The following DPYD variants were observed in gnomAD, a reference collection of about 807,000 sequenced individuals.
DPYD encodes dihydropyrimidine dehydrogenase [NADP(+)].
In DPYD, 109 loss-of-function variants were observed where a neutral mutation model predicts 116.2. The observed-to-expected ratio is 0.94, with a 90% confidence interval of 0.80 to 1.10. DPYD has a LOEUF of 1.10. DPYD is among the 50% of genes least tolerant of loss of function. DPYD has a pLI of 0.00. For missense variants in DPYD, 1,302 were observed against 1,254.5 expected (o/e 1.04, Z -0.57); for synonymous variants, 440 against 432.0 (o/e 1.02, Z -0.23).
chr1:97,587,168 T>C lies in DPYD; in HGVS notation c.1128+6050A>G, dbSNP rs977830910. ...TTTCCAAAAGATAAATATATACAGA[T>C]CCTTGGAATGTGTCATCCCCCTGTC... On this transcript the variant is annotated intron_variant, in intron 10 of 22. Transcript: ENST00000370192. 7.2e-5 allele frequency among the ~76,000 whole-genome samples: 11 copies of C among 152,278 alleles called. No homozygotes were observed. The South Asian group carries it at 2.3e-3, about 32-fold the overall frequency.
chr1:97,702,364 C>A (rs984760406), intron 5 of DPYD, among the ~76,000 whole-genome samples: 2 of 151,602 alleles, frequency 1.3e-5, no homozygotes, highest in Admixed American at 6.6e-5. Context: ...GATCAGGGAA[C>A]AGAGATATAG....
At chr1:97,292,180 T>C (rs1175560034) in intron 18 of DPYD, among the ~76,000 whole-genome samples, 5 of 152,178 alleles carry the variant, frequency 3.3e-5, no homozygotes, top group Non-Finnish European at 5.9e-5. Context: ...CTCAGGTGAC[T>C]ATTATCATAC....
chr1:97,595,021 C>G (rs1407252817), intron 9 of DPYD, 38 bp downstream of exon 9: 2 of 1,422,924 alleles, frequency 1.4e-6, no homozygotes, highest in African/African-American at 2.8e-5. Context: ...AATAAAATAG[C>G]ATACTCACTA....
At chr1:97,424,615 C>A (rs1242117719) in intron 14 of DPYD, among the ~76,000 whole-genome samples, 1 of 152,072 alleles carries the variant, frequency 6.6e-6, no homozygotes, top group East Asian at 1.9e-4. Flanking sequence ...CTCTATAACA[C>A]TCATTATATA....
At chr1:97,258,261 G>T (rs1210588512) in intron 18 of DPYD, among the ~76,000 whole-genome samples, 1 of 152,120 alleles carries the variant, frequency 6.6e-6, no homozygotes, top group Non-Finnish European at 1.5e-5. Flanking sequence ...CAAGAAAACA[G>T]AGCCCCACTT....
intron 6 of DPYD, among the ~76,000 whole-genome samples, chr1:97,696,902 A>C (rs1661338971): frequency 6.6e-6 from 1 of 152,116 alleles, no homozygotes; most frequent in Non-Finnish European, 1.5e-5. Flanking sequence ...TCAATCAACA[A>C]GAAAAACAAT....
At chr1:97,447,547 A>G (rs1676157930) in intron 14 of DPYD, among the ~76,000 whole-genome samples, 1 of 152,212 alleles carries the variant, frequency 6.6e-6, no homozygotes, top group South Asian at 2.1e-4. Context: ...AAAAAGAATG[A>G]TGTGTATAAT....
Position 97,592,801 on chromosome 1 carries a change from G to GT in DPYD, c.1128+416_1128+417insA, listed in dbSNP as rs765188172. Among the ~76,000 whole-genome samples the GT allele has an allele frequency of 2.7e-4, 41 of 152,096 alleles. No homozygotes were observed. The East Asian group carries it at 6.2e-3, about 23-fold the overall frequency. On this transcript the variant is annotated intron_variant, in intron 10 of 22. Coordinates refer to ENST00000370192, the MANE Select transcript of DPYD (RefSeq NM_000110.4). ...ATGAACTGACTGAAAGTATGACCAAGGTATACATCTTAGAATGCAGTCTGT... is the reference window on the plus strand; with the variant it reads ...ATGAACTGACTGAAAGTATGACCAAGTGTATACATCTTAGAATGCAGTCTGT...
chr1:97,645,276 T>C (rs1009375141), intron 8 of DPYD, among the ~76,000 whole-genome samples: 1 of 152,142 alleles, frequency 6.6e-6, no homozygotes, highest in African/African-American at 2.4e-5. Context: ...TCTATTTCCT[T>C]GTACCCTCGT....
chr1:97,751,365 C>A (rs1664869221), intron 3 of DPYD, among the ~76,000 whole-genome samples: 1 of 142,058 alleles, frequency 7.0e-6, no homozygotes, highest in South Asian at 2.2e-4. Context: ...TATATATAAA[C>A]ACACACATAT....
intron 19 of DPYD, among the ~76,000 whole-genome samples, chr1:97,224,127 CAAAGACACTG>C (rs999828596): frequency 2.6e-5 from 4 of 151,938 alleles, no homozygotes; most frequent in African/African-American, 9.7e-5. Context: ...TCAGGGATTT[CAAAGACACTG>C]AAGTTCACTT....
intron 3 of DPYD, among the ~76,000 whole-genome samples, chr1:97,824,993 C>T (rs1001904439): frequency 4.6e-5 from 7 of 152,178 alleles, no homozygotes; most frequent in Non-Finnish European, 7.3e-5. Context: ...CACGAGTTAA[C>T]CTCAGCTATC....
rs545839028 is a variant in DPYD, at chr1:97,144,342, C to T, written c.2623-45710G>A. Among the ~76,000 whole-genome samples, 4 of 152,268 alleles carry T rather than the reference C, an allele frequency of 2.6e-5. No homozygotes were observed. In the East Asian group the frequency reaches 7.7e-4, roughly 29 times the overall value. ...TCAGATGTAACATGAAACAAATATA[C>T]TCAATTAATGGAAGGTAAAATTACA... On this transcript the variant is annotated intron_variant, in intron 20 of 22. Transcript: ENST00000370192.
chr1:97,547,511 T>TTTTC (rs1005120327), intron 12 of DPYD, among the ~76,000 whole-genome samples: 2 of 151,886 alleles, frequency 1.3e-5, no homozygotes, highest in Non-Finnish European at 1.5e-5. Context: ...ATTGTGTTCT[T>TTTTC]TTTCTTTCTT....
chr1:97,109,674 C>G (rs535755772), intron 20 of DPYD, among the ~76,000 whole-genome samples: 2 of 151,996 alleles, frequency 1.3e-5, no homozygotes, highest in South Asian at 4.2e-4. Flanking sequence ...TGTTTTAATC[C>G]CTTTTACAGC....
At chr1:97,373,367 C>T (rs548062174) in intron 16 of DPYD, among the ~76,000 whole-genome samples, 194 bp downstream of exon 16, 1 of 152,322 alleles carries the variant, frequency 6.6e-6, no homozygotes, top group South Asian at 2.1e-4. Flanking sequence ...CTCAATAAAA[C>T]TAAACAGTTG....
At chr1:97,691,436 G>T in intron 7 of DPYD, 1 of 323,312 alleles carries the variant, frequency 3.1e-6, no homozygotes, top group Non-Finnish European at 5.8e-6. Context: ...TCTATTAGCT[G>T]CACTGAACCC....
At chr1:97,559,930 T>C (rs1652022541) in intron 11 of DPYD, among the ~76,000 whole-genome samples, 1 of 152,184 alleles carries the variant, frequency 6.6e-6, no homozygotes, top group Non-Finnish European at 1.5e-5. Context: ...TCTCTTTGGA[T>C]CCTCACAAAA....
At chr1:97,140,741 G>C (rs1461792825) in intron 20 of DPYD, among the ~76,000 whole-genome samples, 3 of 152,094 alleles carry the variant, frequency 2.0e-5, no homozygotes, top group Non-Finnish European at 4.4e-5. Flanking sequence ...GTTTAAATAA[G>C]AGGAGAGCCA....
Sources: gnomAD v4.1 joint callset for allele counts (sites outside exome capture counted in the v4.1 genomes callset) on GRCh38, gnomAD v4.1.1 for gene constraint, MANE v1.5 for transcripts, NCBI Gene and HGNC (gene_info 2026-07-23, HGNC 2026-07-21) for gene names.